Variants in CPA3 observed in about 807,000 individuals in gnomAD.
CPA3 encodes carboxypeptidase A3.
CPA3 carries 52 observed loss-of-function variants against 55.8 expected under a neutral mutation model. The observed-to-expected ratio is 0.93, with a 90% CI of 0.75 to 1.17. CPA3 has a LOEUF of 1.17. Ranked by LOEUF, CPA3 falls within the 50% of genes most tolerant of loss-of-function variation. CPA3 has a pLI of 0.00. For synonymous variants in CPA3, 179 were observed against 171.2 expected (o/e 1.05, Z -0.36); for missense variants, 547 against 509.1 (o/e 1.07, Z -0.72).
At chr3:148,866,883 A>G (rs1275670574) in intron 2 of CPA3, among the ~76,000 whole-genome samples, 1 of 151,940 alleles carries the variant, frequency 6.6e-6, no homozygotes, top group East Asian at 1.9e-4. Flanking sequence ...CAGCCTCCCT[A>G]TTAGCTGGGA....
At position 148,883,737 on chromosome 3, in the gene CPA3, C is replaced by T; in HGVS notation, c.903C>T (p.Ile301=). 1.2e-6 allele frequency: 2 copies of T among 1,614,026 alleles called. No homozygotes were observed. Among genetic ancestry groups the T allele is most frequent in the Non-Finnish European group, 1.7e-6 (2 of 1,179,920 alleles). The change falls in exon 9 of 11, where the codon ATC becomes ATT. Residue 301 remains isoleucine (I), a synonymous_variant. Coordinates refer to ENST00000296046, the MANE Select transcript of CPA3 (RefSeq NM_001870.4). ...RSHLNEIKVY[I]TFHSYSQMLL... ...ACCTGAATGAAATCAAGGTTTACAT[C>T]ACCTTCCATTCCTACTCCCAGATGC... is the stretch of plus-strand genomic sequence containing the variant.
At position 148,896,872 on chromosome 3, in the gene CPA3, G is replaced by A; in HGVS notation, c.*165G>A. ...TGTTTGCTTTTACTTACTTTCAGTA[G>A]CACCATAACGAAGTAGCTTTAAGTG... On this transcript the variant is annotated 3_prime_UTR_variant, in exon 11 of 11. Coordinates refer to ENST00000296046, the MANE Select transcript of CPA3 (RefSeq NM_001870.4). 2.0e-6 allele frequency: 1 copy of A among 508,406 alleles called. No homozygotes were observed. The highest frequency in any genetic ancestry group is 3.3e-6 in the Non-Finnish European group (1 of 305,074). The allele number at this position is 508,406 out of a possible 1,614,324, so 31.5% of individuals were successfully genotyped here. A position where few individuals can be genotyped will look rare whatever the true frequency, so the allele number is the denominator to read the frequency against.
At position 148,868,985 on chromosome 3, in the gene CPA3, A is replaced by T. The variant is rs1252720266; in HGVS notation, c.215A>T (p.Glu72Val). 2.5e-6 allele frequency: 4 copies of T among 1,614,130 alleles called. No individual in the cohort carries two copies. Among genetic ancestry groups the T allele is most frequent in the Non-Finnish European group, 3.4e-6 (4 of 1,179,978 alleles). ...ANMMVDFRVS[E>V]KESQAIQSAL... ...ATGATGGTGGATTTCCGAGTTAGTG[A>T]GAAGGAATCCCAAGCCATCCAGTCT... The change falls in exon 3 of 11, where the codon GAG becomes GTG. Residue 72 changes from glutamate (E) to valine (V), a missense_variant. Transcript: ENST00000296046.
At chr3:148,877,442 C>A (rs1714239881) in intron 3 of CPA3, among the ~76,000 whole-genome samples, 1 of 150,558 alleles carries the variant, frequency 6.6e-6, no homozygotes, top group African/African-American at 2.4e-5. Flanking sequence ...TGTGGTGAGC[C>A]GAGATCACAC....
At chr3:148,868,524 T>C (rs1315199679) in intron 2 of CPA3, among the ~76,000 whole-genome samples, 3 of 152,144 alleles carry the variant, frequency 2.0e-5, no homozygotes, top group South Asian at 4.1e-4. Flanking sequence ...ACATCAGGTT[T>C]TGAGGACTAA....
rs778693111 is a variant in CPA3 at position 148,882,555 on chromosome 3, C to T, written c.738C>T (p.Ile246=). ...CCAAGAACCAAAACTCCAAATGCAT[C>T]GGCACTGACCTCAACAGGAATTTTA... ...NRSKNQNSKC[I]GTDLNRNFNA... Residue 246 remains isoleucine (I), a synonymous_variant, in exon 8 of 11, where the codon ATC becomes ATT. Coordinates refer to ENST00000296046, the MANE Select transcript of CPA3 (RefSeq NM_001870.4). 12 of 1,613,526 alleles carry T rather than the reference C, an allele frequency of 7.4e-6. No individual in the cohort carries two copies. In the South Asian group the frequency reaches 7.7e-5, roughly 10 times the overall value.
At chr3:148,884,310 ATCTTTC>A (rs1355803520) in intron 9 of CPA3, among the ~76,000 whole-genome samples, 15 of 152,208 alleles carry the variant, frequency 9.9e-5, no homozygotes, top group African/African-American at 3.6e-4. Context: ...AGAATATGTT[ATCTTTC>A]CAAAACTATG....
chr3:148,870,575 G>T (rs1375790104), intron 3 of CPA3, among the ~76,000 whole-genome samples: 4 of 152,132 alleles, frequency 2.6e-5, no homozygotes, highest in African/African-American at 9.7e-5. Context: ...ACTGTTTCAA[G>T]AAGGTTGTGG....
Position 148,883,913 on chromosome 3 carries a change from T to C in CPA3, c.981+98T>C. 30 of 888,068 alleles carry C rather than the reference T, an allele frequency of 3.4e-5. No homozygotes were observed. The South Asian group carries it at 4.8e-4, about 14-fold the overall frequency. The allele number at this position is 888,068 out of a possible 1,614,324, so 55.0% of individuals were successfully genotyped here. A position where few individuals can be genotyped will look rare whatever the true frequency, so the allele number is the denominator to read the frequency against. ...GGTATGTTGAAAGAATTTCACATTT[T>C]AATGTCAAAGAAAAGAACTAATGAA... is the stretch of plus-strand genomic sequence containing the variant. On this transcript the variant is annotated intron_variant, in intron 9 of 10. Coordinates refer to ENST00000296046, the MANE Select transcript of CPA3 (RefSeq NM_001870.4).
intron 9 of CPA3, among the ~76,000 whole-genome samples, chr3:148,885,442 C>T (rs1414365053): frequency 3.1e-5 from 4 of 128,932 alleles, no homozygotes; most frequent in African/African-American, 8.7e-5. Flanking sequence ...GACGGAGTCT[C>T]GCTCTGTCAC....
rs3046005 is a variant in CPA3 at position 148,891,481 on chromosome 3, TACACACACACACAC to T, written c.1067-5021_1067-5008del. ...GGTAACAGAGCAAGACCCTGTCACA[TACACACACACACAC>T]ACACACACACACACACATACACACA... is the stretch of plus-strand genomic sequence containing the variant. On this transcript the variant is annotated intron_variant, in intron 10 of 10. Transcript: ENST00000296046. Among the ~76,000 whole-genome samples, 36 of 146,882 alleles carry T rather than the reference TACACACACACACAC, an allele frequency of 2.5e-4. No individual in the cohort carries two copies. In the East Asian group the frequency reaches 5.6e-3, roughly 23 times the overall value.
rs1349229726 is a variant in CPA3 at position 148,896,733 on chromosome 3, C to A, written c.*26C>A. 1.4e-6 allele frequency: 2 copies of A among 1,440,758 alleles called. No individual in the cohort carries two copies. The highest frequency in any genetic ancestry group is 3.3e-5 in the South Asian group (2 of 60,122). 89.2% of individuals were successfully genotyped at this position (1,440,758 alleles called of 1,614,324 possible). ...AGAACTGCCCTCTGTTTGGAATAAG[C>A]CAATTAATCCTTTTTTGTGCCTTTC... On this transcript the variant is annotated 3_prime_UTR_variant, in exon 11 of 11. Transcript: ENST00000296046.
At chr3:148,880,460 T>C (rs1175797374) in intron 6 of CPA3, among the ~76,000 whole-genome samples, 1 of 152,004 alleles carries the variant, frequency 6.6e-6, no homozygotes, top group Non-Finnish European at 1.5e-5. Context: ...GTCTCCAAAG[T>C]AGCTGGAACT....
intron 3 of CPA3, among the ~76,000 whole-genome samples, chr3:148,873,400 C>CAT (rs1553769013): frequency 7.3e-6 from 1 of 137,806 alleles, no homozygotes; most frequent in Non-Finnish European, 1.7e-5. Flanking sequence ...CACACACACA[C>CAT]CCCAGAGCCT....
rs367976187 is a variant in CPA3 at position 148,883,813 on chromosome 3, T to C, written c.979T>C (p.Leu327=). 7.0e-5 allele frequency: 113 copies of C among 1,612,354 alleles called. No homozygotes were observed. The highest frequency in any genetic ancestry group is 9.4e-5 in the Non-Finnish European group (111 of 1,178,496). The change falls in exon 9 of 11, where the codon TTG becomes CTG. Residue 327 remains leucine, a splice_region_variant and synonymous_variant. Coordinates refer to ENST00000296046, the MANE Select transcript of CPA3 (RefSeq NM_001870.4). ...AAAACTGCCACCTAACCATGAGGAC[T>C]TGGTACGTAGACAAAAGTTTGCACT... The part of the protein sequence containing the change: ...TSKLPPNHED[L]AKVAKIGTDV...
chr3:148,871,091 G>T (rs1357098027), intron 3 of CPA3, among the ~76,000 whole-genome samples: 1 of 152,088 alleles, frequency 6.6e-6, no homozygotes, highest in Non-Finnish European at 1.5e-5. Flanking sequence ...TAAAGACGGG[G>T]TTTCACCATG....
At chr3:148,895,082 C>T (rs1714788237) in intron 10 of CPA3, among the ~76,000 whole-genome samples, 1 of 152,164 alleles carries the variant, frequency 6.6e-6, no homozygotes, top group Admixed American at 6.5e-5. Context: ...TACTTCATAA[C>T]TGGTTTCTAT....
At chr3:148,872,935 G>A (rs1288339365) in intron 3 of CPA3, among the ~76,000 whole-genome samples, 1 of 152,032 alleles carries the variant, frequency 6.6e-6, no homozygotes, top group Non-Finnish European at 1.5e-5. Flanking sequence ...TATAAAATGG[G>A]AATAATAATG....
chr3:148,879,464 A>T (rs1398716834), intron 5 of CPA3, among the ~76,000 whole-genome samples: 1 of 152,208 alleles, frequency 6.6e-6, no homozygotes, highest in African/African-American at 2.4e-5. Flanking sequence ...AACAAAAGTG[A>T]CTTTATAATA....
Sources: gnomAD v4.1 joint callset for allele counts (sites outside exome capture counted in the v4.1 genomes callset) on GRCh38, gnomAD v4.1.1 for gene constraint, MANE v1.5 for transcripts, NCBI Gene and HGNC (gene_info 2026-07-23, HGNC 2026-07-21) for gene names.